SMARCA1: variants seen among roughly 807,000 people sequenced by gnomAD.
SMARCA1 encodes SNF2 related chromatin remodeling ATPase 1, also known as SWI/SNF-related matrix-associated actin-dependent regulator of chromatin subfamily A member 1.
Under a neutral mutation model 93.6 loss-of-function variants are expected in SMARCA1, and 17 were observed. The ratio of observed to expected loss-of-function variants is 0.18; its 90% CI spans 0.12 to 0.27. The LOEUF is 0.27. Among genes scored for constraint, SMARCA1 ranks in the 10% least tolerant of loss-of-function variants. The pLI is 1.00. For missense variants in SMARCA1, 630 were observed against 819.0 expected (o/e 0.77, Z 2.82); for synonymous variants, 271 against 271.4 (o/e 1.00, Z 0.01).
intron 14 of SMARCA1, 130 bp from the exon 15 acceptor site, chrX:129,490,322 A>G (rs1363774561): frequency 1.3e-5 from 5 of 386,646 alleles, no homozygotes; most frequent in Non-Finnish European, 2.2e-5. Flanking sequence ...AAAGAGCATG[A>G]TGAATATTGA....
At position 129,480,716 on chromosome X, in the gene SMARCA1, C is replaced by T; in HGVS notation, c.2427G>A (p.Lys809=). ...LLEKEILYYR[K]TIGYKVPRNP... ...GAAAAAATACCTTATAGCCTATTGT[C>T]TTCCGATAATAAAGAATTTCCTTTT... is the stretch of plus-strand genomic sequence containing the variant. Residue 809 remains lysine (K), a synonymous_variant, in exon 19 of 25, where the codon AAG becomes AAA. Coordinates refer to ENST00000371121, the MANE Select transcript of SMARCA1 (RefSeq NM_001282874.2). 9.2e-7 allele frequency: 1 copy of T among 1,087,825 alleles called. No individual in the cohort carries two copies. Among genetic ancestry groups the T allele is most frequent in the Non-Finnish European group, 1.2e-6 (1 of 823,877 alleles). The allele number at this position is 1,087,825 out of a possible 1,213,427, so 89.6% of individuals were successfully genotyped here.
intron 23 of SMARCA1, among the ~76,000 whole-genome samples, chrX:129,451,828 C>T (rs1289030181): frequency 4.6e-5 from 5 of 109,446 alleles, no homozygotes; most frequent in African/African-American, 1.3e-4. Context: ...CTCAGCCTCC[C>T]GAGTAGCTGG....
At chrX:129,522,279 C>T (rs1935417979) in intron 1 of SMARCA1, among the ~76,000 whole-genome samples, 1 of 108,326 alleles carries the variant, frequency 9.2e-6, no homozygotes, top group Admixed American at 9.9e-5. Flanking sequence ...TTAGAAGCAG[C>T]TCATCTTGGC....
chrX:129,499,962 T>A (rs1278739961), intron 9 of SMARCA1, 121 bp from the exon 10 acceptor site: 2 of 316,779 alleles, frequency 6.3e-6, no homozygotes, highest in Admixed American at 9.7e-5. Context: ...ATACTACCAA[T>A]ACCAGTTGCG....
chrX:129,468,170 A>G (rs962992419), intron 21 of SMARCA1, among the ~76,000 whole-genome samples: 1 of 112,677 alleles, frequency 8.9e-6, no homozygotes, highest in Non-Finnish European at 1.9e-5. Context: ...TGTAAAAAAA[A>G]TCCATATGCT....
rs780971769 is a variant in SMARCA1, at chrX:129,518,442, G to A, written c.180C>T (p.Asn60=). 2.4e-5 allele frequency: 28 copies of A among 1,174,233 alleles called. No individual in the cohort carries two copies. Among genetic ancestry groups the A allele is most frequent in the South Asian group, 5.6e-5 (3 of 53,285 alleles). ...CAAGTTTGAGTTGAAATGAAGAAAC[G>A]TTTTTCTAGAATTTCAAAGAAAATA... ...TEKGEKKKEK[N]VSSFQLKLAA... The change falls in exon 2 of 25, where the codon AAC becomes AAT. Residue 60 remains asparagine, a synonymous_variant. Transcript: ENST00000371121.
At chrX:129,450,653 T>G (rs1274572383) in intron 23 of SMARCA1, among the ~76,000 whole-genome samples, 1 of 111,653 alleles carries the variant, frequency 9.0e-6, no homozygotes, top group Non-Finnish European at 1.9e-5. Context: ...GGAAACAGAA[T>G]ACACAGACAC....
At chrX:129,453,315 G>C (rs1932405569) in intron 23 of SMARCA1, among the ~76,000 whole-genome samples, 1 of 111,364 alleles carries the variant, frequency 9.0e-6, no homozygotes, top group East Asian at 2.8e-4. Context: ...TGAATGCAAA[G>C]GAAACACTCT....
chrX:129,453,885 A>T (rs193133943), intron 23 of SMARCA1, among the ~76,000 whole-genome samples: 211 of 111,960 alleles, frequency 1.9e-3, no homozygotes, highest in African/African-American at 6.4e-3. Context: ...TTTATAGATT[A>T]AATGCTATCC....
intron 23 of SMARCA1, among the ~76,000 whole-genome samples, chrX:129,453,030 A>G (rs1196758613): frequency 3.6e-5 from 4 of 111,528 alleles, no homozygotes; most frequent in Non-Finnish European, 7.5e-5. Context: ...AATCACAACC[A>G]TATTAGATGG....
chrX:129,448,240 G>T, intron 24 of SMARCA1, 93 bp downstream of exon 24: 1 of 829,441 alleles, frequency 1.2e-6, no homozygotes, highest in Non-Finnish European at 1.7e-6. Context: ...TTTATTAATA[G>T]CTATCACTAT....
intron 23 of SMARCA1, among the ~76,000 whole-genome samples, chrX:129,449,598 C>T (rs6529369): frequency 0.18 from 19,588 of 111,267 alleles, 1,494 homozygotes; most frequent in East Asian, 0.33. Context: ...TTCATTAATA[C>T]GGAATATCAT....
chrX:129,499,771 A>C lies in SMARCA1; in HGVS notation c.1238T>G (p.Ile413Arg). 1 of 1,184,951 alleles carries C rather than the reference A, an allele frequency of 8.4e-7. No individual in the cohort carries two copies. The highest frequency in any genetic ancestry group is 1.1e-6 in the Non-Finnish European group (1 of 873,729). The change falls in exon 10 of 25, where the codon ATA becomes AGA. Residue 413 changes from isoleucine to arginine, a missense_variant. By Grantham distance (97) the Ile-to-Arg change is moderately conservative. This residue lies in a region of SMARCA1 where 382 missense variants were observed against 537.9 expected (regional missense o/e 0.71). Coordinates refer to ENST00000371121, the MANE Select transcript of SMARCA1 (RefSeq NM_001282874.2). ...CTTACTCAGCCCCAAGTAAATCTTT[A>C]TTTCCTTTTTAGGTGGCAGACTCTT... Reference protein sequence around the residue: ...VEKSLPPKKEIKIYLGLSKMQ... With the variant: ...VEKSLPPKKERKIYLGLSKMQ...
chrX:129,458,745 G>A (rs1429351012), intron 23 of SMARCA1, among the ~76,000 whole-genome samples: 1 of 112,169 alleles, frequency 8.9e-6, no homozygotes, highest in African/African-American at 3.2e-5. Context: ...GCCTGTTATG[G>A]TTGAAAGTCA....
At chrX:129,465,312 T>C (rs12687353) in intron 23 of SMARCA1, among the ~76,000 whole-genome samples, 1,983 of 111,578 alleles carry the variant, frequency 0.018, 46 homozygotes, top group East Asian at 0.15. Context: ...ATATAGAATA[T>C]AGATGTCCCC....
intron 5 of SMARCA1, 113 bp from the exon 6 acceptor site, chrX:129,512,096 T>C (rs1475401811): frequency 2.2e-5 from 12 of 549,538 alleles, no homozygotes; most frequent in Non-Finnish European, 3.3e-5. Context: ...AAGGCAATTA[T>C]GTTTCTACCA....
At chrX:129,475,920 T>C (rs1014083864) in intron 19 of SMARCA1, among the ~76,000 whole-genome samples, 1 of 112,303 alleles carries the variant, frequency 8.9e-6, no homozygotes, top group African/African-American at 3.2e-5. Flanking sequence ...TTACCAAAAC[T>C]CACAAAGATT....
chrX:129,494,656 G>A (rs569335839), intron 12 of SMARCA1, among the ~76,000 whole-genome samples: 32 of 111,256 alleles, frequency 2.9e-4, no homozygotes, highest in African/African-American at 9.8e-4. Context: ...AGGCCTGGGT[G>A]CAATTTCATG....
intron 5 of SMARCA1, among the ~76,000 whole-genome samples, chrX:129,513,600 T>C (rs1260583951): frequency 9.4e-6 from 1 of 106,326 alleles, no homozygotes; most frequent in Non-Finnish European, 1.9e-5. Context: ...ATTATATATA[T>C]AATACATATA....
Sources: allele counts gnomAD v4.1 joint callset (sites outside exome capture counted in the v4.1 genomes callset), GRCh38; gene constraint gnomAD v4.1.1; regional missense constraint gnomAD v4.1.1; transcripts MANE v1.5; gene names NCBI Gene and HGNC (gene_info 2026-07-23, HGNC 2026-07-21).